Variants in LMO7 observed in about 807,000 individuals in gnomAD.
LMO7 encodes the protein LIM domain only protein 7.
Under a neutral mutation model 206.5 loss-of-function variants are expected in LMO7, and 120 were observed. The observed-to-expected ratio is 0.58, with a 90% CI of 0.50 to 0.68. LMO7 has a LOEUF of 0.68. Among genes scored for constraint, LMO7 ranks in the 30% least tolerant of loss-of-function variants. The pLI, the probability that LMO7 is intolerant of heterozygous loss-of-function variation, is 0.00. For synonymous variants in LMO7, 706 were observed against 681.5 expected (o/e 1.04, Z -0.56); for missense variants, 1,959 against 1,957.9 (o/e 1.00, Z -0.01).
intron 4 of LMO7, among the ~76,000 whole-genome samples, chr13:75,764,732 C>T (rs753941776): frequency 5.3e-5 from 8 of 152,202 alleles, no homozygotes; most frequent in Non-Finnish European, 8.8e-5. Flanking sequence ...CTTCTTTCCA[C>T]CCCCTTACCA....
intron 2 of LMO7, among the ~76,000 whole-genome samples, chr13:75,625,694 T>C (rs1434039752): frequency 6.6e-6 from 1 of 152,100 alleles, no homozygotes; most frequent in Non-Finnish European, 1.5e-5. Context: ...TATAGTAGAG[T>C]CATGGATAGA....
chr13:75,803,221 T>G (rs1239498601), intron 7 of LMO7, among the ~76,000 whole-genome samples: 1 of 152,216 alleles, frequency 6.6e-6, no homozygotes, highest in African/African-American at 2.4e-5. Flanking sequence ...CTCATAGCTG[T>G]ATGTTAAGCG....
intron 3 of LMO7, among the ~76,000 whole-genome samples, chr13:75,754,930 T>C (rs770041551): frequency 2.0e-5 from 3 of 152,178 alleles, no homozygotes; most frequent in Admixed American, 6.5e-5. Flanking sequence ...TAAGATTCCA[T>C]TGAAGTGTAT....
At chr13:75,773,065 G>C (rs899546798) in intron 4 of LMO7, among the ~76,000 whole-genome samples, 1 of 151,704 alleles carries the variant, frequency 6.6e-6, no homozygotes, top group African/African-American at 2.4e-5. Flanking sequence ...TGGATCTAAA[G>C]GATGGGTAGG....
intron 15 of LMO7, among the ~76,000 whole-genome samples, chr13:75,828,528 C>T (rs761861924): frequency 3.3e-5 from 5 of 152,122 alleles, no homozygotes; most frequent in African/African-American, 7.2e-5. Context: ...ATAAAATCAT[C>T]CTTGAAACCA....
chr13:75,681,538 C>T (rs995383633), intron 1 of LMO7, among the ~76,000 whole-genome samples: 7 of 151,638 alleles, frequency 4.6e-5, no homozygotes, highest in African/African-American at 1.7e-4. Context: ...GAATACAGCA[C>T]TGTCCCATTA....
chr13:75,662,093 A>G (rs1191319849), intron 1 of LMO7, among the ~76,000 whole-genome samples: 1 of 152,202 alleles, frequency 6.6e-6, no homozygotes, highest in Non-Finnish European at 1.5e-5. Flanking sequence ...GTCATATGTT[A>G]AACTTTATGG....
intron 3 of LMO7, among the ~76,000 whole-genome samples, chr13:75,736,990 A>C (rs1235882923): frequency 6.6e-6 from 1 of 152,248 alleles, no homozygotes; most frequent in Non-Finnish European, 1.5e-5. Flanking sequence ...ATAGTGCTAT[A>C]GGTTGAATTG....
At chr13:75,686,202 G>A (rs2040974630) in intron 1 of LMO7, among the ~76,000 whole-genome samples, 1 of 152,122 alleles carries the variant, frequency 6.6e-6, no homozygotes, top group Non-Finnish European at 1.5e-5. Context: ...ACATACCCAA[G>A]ACTTGGCAAT....
chr13:75,789,498 A>C (rs1293101915), intron 4 of LMO7, among the ~76,000 whole-genome samples: 1 of 151,980 alleles, frequency 6.6e-6, no homozygotes, highest in Non-Finnish European at 1.5e-5. Context: ...GTGGGGAAAA[A>C]TTTCCTGTCT....
chr13:75,854,397 G>A (rs753498350), intron 28 of LMO7, among the ~76,000 whole-genome samples: 7 of 152,220 alleles, frequency 4.6e-5, no homozygotes, highest in East Asian at 3.9e-4. Context: ...ATTTGGGTAC[G>A]GTAGGGAGGT....
intron 26 of LMO7, 48 bp from the exon 27 acceptor site, chr13:75,849,031 C>A: frequency 1.7e-6 from 2 of 1,153,690 alleles, no homozygotes; most frequent in Non-Finnish European, 2.5e-6. Flanking sequence ...ATCACTGTCA[C>A]TTTTAAAAGG....
At chr13:75,703,791 T>C (rs747511005) in intron 1 of LMO7, among the ~76,000 whole-genome samples, 1 of 152,094 alleles carries the variant, frequency 6.6e-6, no homozygotes, top group African/African-American at 2.4e-5. Context: ...TGTGAAGAAC[T>C]GGCTTCTCTG....
At position 75,652,614 on chromosome 13, in the gene LMO7, A is replaced by AGTGTGTGTGT. The variant is rs59671117; in HGVS notation, c.69+15923_69+15932dup. 8.2e-4 allele frequency among the ~76,000 whole-genome samples: 113 copies of AGTGTGTGTGT among 137,940 alleles called. 2 individuals are homozygous for AGTGTGTGTGT. Among genetic ancestry groups the AGTGTGTGTGT allele is most frequent in the African/African-American group, 2.5e-3 (93 of 36,844 alleles). 90.5% of individuals were successfully genotyped at this position (137,940 alleles called of 152,430 possible). A position where few individuals can be genotyped will look rare whatever the true frequency, so the allele number is the denominator to read the frequency against. On this transcript the variant is annotated intron_variant, in intron 1 of 30. Coordinates refer to ENST00000377534, the MANE Select transcript of LMO7 (RefSeq NM_001306080.2). ...GTTCATTGTGTTTAACCACAAGTTCAGTGTGTGTGTGTGTGTGTGTGTGTG... is the reference window on the plus strand; with the variant it reads ...GTTCATTGTGTTTAACCACAAGTTCAGTGTGTGTGTGTGTGTGTGTGTGTGTGTGTGTGTG...
intron 1 of LMO7, among the ~76,000 whole-genome samples, chr13:75,677,874 T>G (rs2040154164): frequency 6.8e-6 from 1 of 146,516 alleles, no homozygotes; most frequent in Non-Finnish European, 1.5e-5. Context: ...TTCCCACCTA[T>G]GAGTGAGAAC....
chr13:75,805,392 A>T (rs1347446366), intron 8 of LMO7, 87 bp from the exon 9 acceptor site: 2 of 1,399,082 alleles, frequency 1.4e-6, no homozygotes, highest in Admixed American at 4.0e-5. Context: ...ACAGTGGTGT[A>T]AACTTTGTGA....
chr13:75,787,457 T>C (rs1189930830), intron 4 of LMO7, among the ~76,000 whole-genome samples: 1 of 152,188 alleles, frequency 6.6e-6, no homozygotes, highest in Admixed American at 6.5e-5. Flanking sequence ...TATGCTATTC[T>C]TAGTAGTGTG....
intron 4 of LMO7, among the ~76,000 whole-genome samples, chr13:75,778,600 G>A (rs934830303): frequency 6.6e-6 from 1 of 152,206 alleles, no homozygotes; most frequent in Non-Finnish European, 1.5e-5. Flanking sequence ...GAGTTTTTTT[G>A]AAGTCAACAC....
chr13:75,621,666 C>T, exon 1 of LMO7: 1 of 1,455,624 alleles, frequency 6.9e-7, no homozygotes, highest in Non-Finnish European at 9.4e-7. Context: ...CGGTCTAAAG[C>T]TATTTTAATT....
Sources: allele counts gnomAD v4.1 joint callset (sites outside exome capture counted in the v4.1 genomes callset), GRCh38; gene constraint gnomAD v4.1.1; transcripts MANE v1.5; gene names NCBI Gene and HGNC (gene_info 2026-07-23, HGNC 2026-07-21).